The following RANBP2 variants were observed in gnomAD, a reference collection of about 807,000 sequenced individuals.
RANBP2 encodes E3 SUMO-protein ligase RanBP2.
In RANBP2, 57 loss-of-function variants were observed where a neutral mutation model predicts 303.6. The observed-to-expected ratio is 0.19, with a 90% CI of 0.15 to 0.23. The LOEUF is 0.23. RANBP2 is among the 10% of genes least tolerant of loss of function. RANBP2 has a pLI of 1.00. For missense variants in RANBP2, 3,138 were observed against 3,780.8 expected, an observed-to-expected ratio of 0.83 and a Z score of 4.46; for synonymous variants, 1,167 against 1,301.5, an observed-to-expected ratio of 0.90 and a Z score of 2.23.
At chr2:108,803,893 A>T in the RANBP2 span, among the ~76,000 whole-genome samples, 1 of 152,210 alleles carries the variant, frequency 6.6e-6, no homozygotes, top group African/African-American at 2.4e-5. Flanking sequence ...TAGATATGGA[A>T]AAAGTTGGAC....
chr2:108,940,702 C>A, the RANBP2 span, among the ~76,000 whole-genome samples: 1 of 152,220 alleles, frequency 6.6e-6, no homozygotes, highest in Admixed American at 6.5e-5. Flanking sequence ...CACGTCACAC[C>A]ACGCGATGAC....
chr2:109,050,698 C>T, the RANBP2 span, among the ~76,000 whole-genome samples: 1 of 151,780 alleles, frequency 6.6e-6, no homozygotes, highest in Admixed American at 6.6e-5. Context: ...GCACCTAACA[C>T]TTAACTGTAA....
the RANBP2 span, among the ~76,000 whole-genome samples, chr2:109,621,873 A>G: frequency 2.6e-5 from 4 of 152,016 alleles, no homozygotes; most frequent in Non-Finnish European, 5.9e-5. Flanking sequence ...AGATTGCACC[A>G]CTGTACTCCA....
chr2:108,983,070 C>A, the RANBP2 span, among the ~76,000 whole-genome samples: 9 of 152,210 alleles, frequency 5.9e-5, no homozygotes, highest in Admixed American at 4.6e-4. Context: ...TCTACCGATG[C>A]ACAATTAGTT....
the RANBP2 span, among the ~76,000 whole-genome samples, chr2:109,110,374 C>T: frequency 2.6e-5 from 4 of 152,264 alleles, no homozygotes; most frequent in African/African-American, 7.2e-5. Flanking sequence ...ATGGCATCTA[C>T]CATCATTGGA....
the RANBP2 span, among the ~76,000 whole-genome samples, chr2:109,097,685 A>G: frequency 7.3e-6 from 1 of 137,482 alleles, no homozygotes; most frequent in East Asian, 2.2e-4. Flanking sequence ...TGCCTTGGAG[A>G]TTTTCTCTTT....
At chr2:109,451,067 C>T in the RANBP2 span, among the ~76,000 whole-genome samples, 5 of 152,238 alleles carry the variant, frequency 3.3e-5, no homozygotes, top group Admixed American at 2.6e-4. Context: ...ACATGGGCCA[C>T]ACCAGGTTCC....
At chr2:109,288,438 C>T in the RANBP2 span, among the ~76,000 whole-genome samples, 5 of 152,088 alleles carry the variant, frequency 3.3e-5, no homozygotes, top group East Asian at 5.8e-4. Context: ...CTTTAAAACC[C>T]GATAAAGCCA....
At chr2:109,739,927 T>A in the RANBP2 span, among the ~76,000 whole-genome samples, 1 of 149,846 alleles carries the variant, frequency 6.7e-6, no homozygotes, top group Non-Finnish European at 1.5e-5. Flanking sequence ...TGTTATAAAA[T>A]GTAATTTTAT....
the RANBP2 span, among the ~76,000 whole-genome samples, chr2:108,843,717 A>G: frequency 6.6e-6 from 1 of 151,864 alleles, no homozygotes; most frequent in East Asian, 1.9e-4. Flanking sequence ...AAGTTTGACT[A>G]TGATGGGTCT....
chr2:109,403,533 C>G, the RANBP2 span, among the ~76,000 whole-genome samples: 1 of 152,260 alleles, frequency 6.6e-6, no homozygotes, highest in South Asian at 2.1e-4. Flanking sequence ...ACTTAACTTT[C>G]CAGTTTACTC....
chr2:109,524,459 AAAAAAAAC>A, the RANBP2 span, among the ~76,000 whole-genome samples: 1 of 67,260 alleles, frequency 1.5e-5, no homozygotes, highest in African/African-American at 4.1e-5. Context: ...AAAAAAAAAA[AAAAAAAAC>A]AAAACAACAC....
chr2:108,771,717 A>C lies in RANBP2; in HGVS notation c.7866A>C (p.Lys2622Asn). The C allele has an allele frequency of 6.2e-7, 1 of 1,613,238 alleles. No homozygotes were observed. Among genetic ancestry groups the C allele is most frequent in the Non-Finnish European group, 8.5e-7 (1 of 1,179,886 alleles). Residue 2622 changes from lysine to asparagine, a missense_variant, in exon 21 of 29, where the codon AAA (lysine) becomes AAC (asparagine). This residue lies in a region of RANBP2 where 497 missense variants were observed against 465.8 expected (regional missense o/e 1.07). Transcript: ENST00000283195. Reference sequence around the variant, plus strand: ...GTGTTACAGCAAAAGAGAAGAAAAAACCTGAAGATTCTCCCTCAGATGATG... The same window carrying C: ...GTGTTACAGCAAAAGAGAAGAAAAACCCTGAAGATTCTCCCTCAGATGATG... ...KTPEKAKEKK[K>N]PEDSPSDDDV...
the RANBP2 span, chr2:109,251,542 G>T: frequency 9.2e-6 from 7 of 764,858 alleles, no homozygotes; most frequent in East Asian, 1.5e-4. Context: ...TATGAATCTT[G>T]TGATAGATGA....
the RANBP2 span, among the ~76,000 whole-genome samples, chr2:109,664,648 G>T: frequency 2.6e-5 from 4 of 151,710 alleles, no homozygotes; most frequent in Non-Finnish European, 5.9e-5. Flanking sequence ...TCTCAATGTG[G>T]GCCGGGCACG....
At chr2:109,129,197 C>A in the RANBP2 span, 1 of 492,246 alleles carries the variant, frequency 2.0e-6, no homozygotes. Flanking sequence ...CGAGCCGCCG[C>A]TTGCAGCACA....
the RANBP2 span, among the ~76,000 whole-genome samples, chr2:109,106,347 C>T: frequency 1.1e-4 from 17 of 152,110 alleles, no homozygotes; most frequent in Non-Finnish European, 2.5e-4. Context: ...CACCTCATTT[C>T]GTTTAAGAAA....
chr2:108,788,497 C>G (rs1167670617), downstream of RANBP2, among the ~76,000 whole-genome samples: 1 of 151,860 alleles, frequency 6.6e-6, no homozygotes, highest in African/African-American at 2.4e-5. Context: ...GCGGGCGGAT[C>G]ACGAGGTCAG....
the RANBP2 span, among the ~76,000 whole-genome samples, chr2:109,595,207 A>G: frequency 6.6e-6 from 1 of 152,148 alleles, no homozygotes; most frequent in Non-Finnish European, 1.5e-5. Context: ...TCAAATCCTA[A>G]GTTTTTCCAA....
Sources: gnomAD v4.1 joint callset for allele counts (sites outside exome capture counted in the v4.1 genomes callset) on GRCh38, gnomAD v4.1.1 for gene constraint, gnomAD v4.1.1 regional missense constraint, MANE v1.5 for transcripts, NCBI Gene and HGNC (gene_info 2026-07-23, HGNC 2026-07-21) for gene names.